Variants in CLSTN2 observed in about 807,000 individuals in gnomAD.
CLSTN2 encodes calsyntenin-2.
CLSTN2 carries 48 observed loss-of-function variants against 101.2 expected under a neutral mutation model. The ratio of observed to expected loss-of-function variants is 0.47; its 90% CI spans 0.38 to 0.60. CLSTN2 has a LOEUF of 0.60. CLSTN2 is among the 20% of genes least tolerant of loss of function. The pLI, the probability that CLSTN2 is intolerant of heterozygous loss-of-function variation, is 0.00. For missense variants in CLSTN2, 1,160 were observed against 1,238.2 expected (o/e 0.94, Z 0.95); for synonymous variants, 481 against 463.6 (o/e 1.04, Z -0.48).
At chr3:140,209,959 C>A (rs755389613) in intron 2 of CLSTN2, among the ~76,000 whole-genome samples, 1 of 152,176 alleles carries the variant, frequency 6.6e-6, no homozygotes, top group Non-Finnish European at 1.5e-5. Context: ...CATTCACTCC[C>A]TTGCTCATAT....
At chr3:140,253,511 C>G (rs72990140) in intron 2 of CLSTN2, among the ~76,000 whole-genome samples, 4,691 of 152,206 alleles carry the variant, frequency 0.031, 153 homozygotes, top group African/African-American at 0.074. Flanking sequence ...TTTAAAAACC[C>G]AAAAACAGCA....
intron 2 of CLSTN2, among the ~76,000 whole-genome samples, chr3:140,245,856 G>T (rs537204607): frequency 2.0e-5 from 3 of 152,194 alleles, no homozygotes; most frequent in Admixed American, 6.5e-5. Context: ...TTGTGAGCTC[G>T]CACTTACTGA....
At chr3:140,078,340 G>A (rs2008528527) in intron 1 of CLSTN2, among the ~76,000 whole-genome samples, 1 of 152,128 alleles carries the variant, frequency 6.6e-6, no homozygotes, top group African/African-American at 2.4e-5. Context: ...GTCAATGCAC[G>A]GTATCTGGTA....
intron 11 of CLSTN2, among the ~76,000 whole-genome samples, chr3:140,558,128 G>C (rs1414558981): frequency 6.6e-6 from 1 of 152,188 alleles, no homozygotes; most frequent in Non-Finnish European, 1.5e-5. Flanking sequence ...TAATTGTGTG[G>C]CAGTGTATCA....
intron 2 of CLSTN2, among the ~76,000 whole-genome samples, chr3:140,296,372 C>T (rs1014107846): frequency 6.6e-6 from 1 of 152,190 alleles, no homozygotes; most frequent in Non-Finnish European, 1.5e-5. Context: ...AATTTGAATT[C>T]TCAAAATTTC....
intron 1 of CLSTN2, among the ~76,000 whole-genome samples, chr3:140,101,805 G>A (rs1274504009): frequency 2.0e-5 from 3 of 152,154 alleles, no homozygotes; most frequent in Non-Finnish European, 4.4e-5. Context: ...AGGAAACGAT[G>A]GAAAAGGCAC....
At chr3:140,564,266 T>A (rs1935989242) in intron 16 of CLSTN2, 121 bp downstream of exon 16, 1 of 811,574 alleles carries the variant, frequency 1.2e-6, no homozygotes, top group African/African-American at 1.7e-5. Context: ...CCCCATCTAG[T>A]CCAGCTCCAC....
chr3:140,496,797 C>T (rs911419514), intron 8 of CLSTN2, among the ~76,000 whole-genome samples: 1 of 152,022 alleles, frequency 6.6e-6, no homozygotes, highest in East Asian at 1.9e-4. Flanking sequence ...GACAGGATCA[C>T]GGACCTACTT....
At chr3:139,946,569 C>A (rs1237500586) in intron 1 of CLSTN2, among the ~76,000 whole-genome samples, 1 of 152,180 alleles carries the variant, frequency 6.6e-6, no homozygotes, top group Non-Finnish European at 1.5e-5. Context: ...AAACAAGGAT[C>A]TGCAGGGAGG....
At chr3:140,533,874 A>G (rs2107780324) in intron 9 of CLSTN2, among the ~76,000 whole-genome samples, 1 of 152,306 alleles carries the variant, frequency 6.6e-6, no homozygotes, top group African/African-American at 2.4e-5. Context: ...TGGAAGCACT[A>G]GAGATTCAAA....
At chr3:140,349,764 T>C (rs1057031845) in intron 2 of CLSTN2, among the ~76,000 whole-genome samples, 2 of 152,168 alleles carry the variant, frequency 1.3e-5, no homozygotes, top group Non-Finnish European at 2.9e-5. Flanking sequence ...TGCTACCTTT[T>C]CACCTTGGCT....
At chr3:140,079,744 A>G (rs1163855063) in intron 1 of CLSTN2, among the ~76,000 whole-genome samples, 2 of 151,166 alleles carry the variant, frequency 1.3e-5, no homozygotes, top group African/African-American at 4.9e-5. Flanking sequence ...GAGTGAGACT[A>G]TGTCTCAAAA....
chr3:140,547,492 A>C (rs1490065440), intron 10 of CLSTN2, among the ~76,000 whole-genome samples: 3 of 152,126 alleles, frequency 2.0e-5, no homozygotes, highest in Non-Finnish European at 4.4e-5. Context: ...GAGGAAGAAG[A>C]AGAAGAAGAA....
intron 2 of CLSTN2, among the ~76,000 whole-genome samples, chr3:140,187,841 C>T (rs1336459178): frequency 6.6e-6 from 1 of 152,128 alleles, no homozygotes; most frequent in Admixed American, 6.6e-5. Context: ...AAATGCAACC[C>T]AACGTGGTGT....
At chr3:139,980,594 T>C (rs1935897232) in intron 1 of CLSTN2, among the ~76,000 whole-genome samples, 1 of 152,154 alleles carries the variant, frequency 6.6e-6, no homozygotes, top group South Asian at 2.1e-4. Flanking sequence ...TTTCCTTCTC[T>C]TGCTTTACAT....
chr3:140,120,027 A>G (rs917667253), intron 1 of CLSTN2, among the ~76,000 whole-genome samples: 20 of 152,272 alleles, frequency 1.3e-4, no homozygotes, highest in African/African-American at 4.8e-4. Flanking sequence ...GACTTCTGGG[A>G]CCAAATGCGT....
At chr3:140,288,712 C>T (rs1023494142) in intron 2 of CLSTN2, among the ~76,000 whole-genome samples, 3 of 152,176 alleles carry the variant, frequency 2.0e-5, no homozygotes, top group Non-Finnish European at 2.9e-5. Flanking sequence ...ATGATACTGT[C>T]ATCATGGCTA....
intron 8 of CLSTN2, among the ~76,000 whole-genome samples, chr3:140,495,151 C>G (rs745886707): frequency 3.9e-5 from 6 of 152,152 alleles, no homozygotes; most frequent in African/African-American, 1.4e-4. Flanking sequence ...TTATTTTTAG[C>G]CATTCTGACT....
At chr3:140,017,832 T>A (rs2107754284) in intron 1 of CLSTN2, among the ~76,000 whole-genome samples, 1 of 152,332 alleles carries the variant, frequency 6.6e-6, no homozygotes. Flanking sequence ...CCTGCAAATG[T>A]GTAGGCCAGT....
Sources: allele counts gnomAD v4.1 joint callset (sites outside exome capture counted in the v4.1 genomes callset), GRCh38; gene constraint gnomAD v4.1.1; transcripts MANE v1.5; gene names NCBI Gene and HGNC (gene_info 2026-07-23, HGNC 2026-07-21).